DPP10: variants seen among roughly 807,000 people sequenced by gnomAD.
DPP10 encodes the protein inactive dipeptidyl peptidase 10.
In DPP10, 33 loss-of-function variants were observed where a neutral mutation model predicts 120.9. The ratio of observed to expected loss-of-function variants is 0.27; its 90% confidence interval spans 0.21 to 0.37. The LOEUF is 0.37. Ranked by LOEUF, DPP10 falls within the 10% of genes least tolerant of loss-of-function variation. The pLI is 1.00. For synonymous variants in DPP10, 337 were observed against 326.1 expected (o/e 1.03, Z -0.36); for missense variants, 816 against 942.8 (o/e 0.87, Z 1.76).
chr2:114,738,471 C>T (rs1190011541), intron 1 of DPP10, among the ~76,000 whole-genome samples: 1 of 152,156 alleles, frequency 6.6e-6, no homozygotes, highest in Non-Finnish European at 1.5e-5. Context: ...GGATAAACTG[C>T]TTCTTCTATC....
chr2:114,862,011 T>A (rs1689844719), intron 1 of DPP10, among the ~76,000 whole-genome samples: 1 of 152,182 alleles, frequency 6.6e-6, no homozygotes, highest in African/African-American at 2.4e-5. Flanking sequence ...ATTGCATGAA[T>A]CCAAGTGTTT....
At chr2:115,086,422 C>T (rs577645035) in intron 1 of DPP10, among the ~76,000 whole-genome samples, 1 of 151,534 alleles carries the variant, frequency 6.6e-6, no homozygotes, top group African/African-American at 2.4e-5. Flanking sequence ...AGAGAGTTGT[C>T]CTGCCTTTCT....
At chr2:114,974,233 T>C (rs1006129972) in intron 1 of DPP10, among the ~76,000 whole-genome samples, 1 of 152,054 alleles carries the variant, frequency 6.6e-6, no homozygotes, top group Non-Finnish European at 1.5e-5. Flanking sequence ...AAGTGCACCA[T>C]TGTTTGCCTT....
intron 1 of DPP10, among the ~76,000 whole-genome samples, chr2:114,558,573 G>C (rs1318977974): frequency 1.3e-5 from 2 of 152,008 alleles, no homozygotes; most frequent in Non-Finnish European, 2.9e-5. Context: ...TGTTCATTTT[G>C]TGTCTCTTCC....
intron 2 of DPP10, 56 bp from the exon 3 acceptor site, chr2:115,343,761 C>T: frequency 8.0e-7 from 1 of 1,250,024 alleles, no homozygotes; most frequent in Non-Finnish European, 1.1e-6. Context: ...GTAATTTGCT[C>T]CTTTTAAAAA....
chr2:114,449,563 G>A (rs955126601), intron 1 of DPP10, among the ~76,000 whole-genome samples: 7 of 151,734 alleles, frequency 4.6e-5, no homozygotes, highest in African/African-American at 1.7e-4. Context: ...CAGATCGGAT[G>A]GCTTTTTCTT....
At chr2:115,595,590 TA>T (rs1295160883) in intron 5 of DPP10, among the ~76,000 whole-genome samples, 1 of 152,094 alleles carries the variant, frequency 6.6e-6, no homozygotes, top group African/African-American at 2.4e-5. Context: ...AAAAATGAAA[TA>T]ATTCCCTTTA....
At chr2:115,412,343 A>G (rs2069017059) in intron 3 of DPP10, among the ~76,000 whole-genome samples, 1 of 152,192 alleles carries the variant, frequency 6.6e-6, no homozygotes, top group African/African-American at 2.4e-5. Context: ...ATGATATAAT[A>G]TTTATATAAC....
At chr2:115,531,936 A>G (rs1249468869) in intron 5 of DPP10, among the ~76,000 whole-genome samples, 1 of 152,120 alleles carries the variant, frequency 6.6e-6, no homozygotes, top group Admixed American at 6.6e-5. Context: ...CATAAAATAT[A>G]TCCGTAGTTT....
chr2:114,881,602 A>G (rs2176734), intron 1 of DPP10, among the ~76,000 whole-genome samples: 1,614 of 74,544 alleles, frequency 0.022, 13 homozygotes, highest in African/African-American at 0.05. Context: ...CTGTCTGTCT[A>G]TCTATCTATC....
intron 1 of DPP10, among the ~76,000 whole-genome samples, chr2:114,827,113 G>C (rs1686623717): frequency 6.6e-6 from 1 of 151,990 alleles, no homozygotes; most frequent in African/African-American, 2.4e-5. Flanking sequence ...TGACCTGCTT[G>C]GGGGAGAAAA....
At chr2:115,253,666 A>G (rs1387081782) in intron 1 of DPP10, among the ~76,000 whole-genome samples, 2 of 152,178 alleles carry the variant, frequency 1.3e-5, no homozygotes, top group African/African-American at 4.8e-5. Flanking sequence ...ACTTCAAAAT[A>G]ATTTTGTTTT....
At chr2:114,737,552 T>G (rs1677573235) in intron 1 of DPP10, among the ~76,000 whole-genome samples, 1 of 152,164 alleles carries the variant, frequency 6.6e-6, no homozygotes. Flanking sequence ...GTGGAGAGAT[T>G]GAATCAATAG....
At chr2:115,803,869 T>C (rs1685575551) in intron 19 of DPP10, among the ~76,000 whole-genome samples, 1 of 152,306 alleles carries the variant, frequency 6.6e-6, no homozygotes, top group South Asian at 2.1e-4. Context: ...TAACATTTTT[T>C]CCTTCATTTC....
At chr2:114,824,080 A>G (rs539264627) in intron 1 of DPP10, among the ~76,000 whole-genome samples, 1 of 152,352 alleles carries the variant, frequency 6.6e-6, no homozygotes, top group South Asian at 2.1e-4. Context: ...TTTTTTCCTC[A>G]GCTTCTACTT....
At chr2:114,784,033 C>A (rs1322503290) in intron 1 of DPP10, among the ~76,000 whole-genome samples, 1 of 152,004 alleles carries the variant, frequency 6.6e-6, no homozygotes, top group East Asian at 1.9e-4. Flanking sequence ...GCATGTACAA[C>A]CAAAACCAGA....
At chr2:115,767,471 A>ATCTG (rs550141969) in intron 12 of DPP10, among the ~76,000 whole-genome samples, 93 of 41,398 alleles carry the variant, frequency 2.2e-3, no homozygotes, top group Admixed American at 8.9e-3. Flanking sequence ...CTACATACAT[A>ATCTG]TATGTGTGTG....
rs887659012 is a variant in DPP10, at chr2:115,765,864, C to T, written c.1114-2433C>T. 3.9e-5 allele frequency among the ~76,000 whole-genome samples: 6 copies of T among 152,118 alleles called. 1 individual carries two copies. In the South Asian group the frequency reaches 1.2e-3, roughly 32 times the overall value. On this transcript the variant is annotated intron_variant, in intron 12 of 25. Transcript: ENST00000410059. ...TTTCCAACCTTGAATGGTATATTATCTCAGAGTTTTAAATTTATTACATAT... is the reference window on the plus strand; with the variant it reads ...TTTCCAACCTTGAATGGTATATTATTTCAGAGTTTTAAATTTATTACATAT...
chr2:115,447,639 G>A (rs1313424722), intron 3 of DPP10, among the ~76,000 whole-genome samples: 4 of 152,126 alleles, frequency 2.6e-5, no homozygotes, highest in African/African-American at 4.8e-5. Context: ...GGTTTTATAA[G>A]TTGTGGTGTC....
Sources: gnomAD v4.1 joint callset for allele counts (sites outside exome capture counted in the v4.1 genomes callset) on GRCh38, gnomAD v4.1.1 for gene constraint, MANE v1.5 for transcripts, NCBI Gene and HGNC (gene_info 2026-07-23, HGNC 2026-07-21) for gene names.